Variants in DAB1 observed in about 807,000 individuals in gnomAD.
DAB1 encodes the protein disabled homolog 1.
Under a neutral mutation model 64.6 loss-of-function variants are expected in DAB1, and 15 were observed. That is an observed-to-expected ratio of 0.23 (90% CI 0.16 to 0.36). The LOEUF is 0.36. Among genes scored for constraint, DAB1 ranks in the 10% least tolerant of loss-of-function variants. The pLI, the probability that DAB1 is intolerant of heterozygous loss-of-function variation, is 1.00. For synonymous variants in DAB1, 235 were observed against 251.9 expected (o/e 0.93, Z 0.64); for missense variants, 596 against 706.7 (o/e 0.84, Z 1.78).
intron 4 of DAB1, among the ~76,000 whole-genome samples, chr1:57,098,791 C>T (rs1044795905): frequency 9.9e-5 from 15 of 152,108 alleles, no homozygotes; most frequent in East Asian, 1.9e-4. Flanking sequence ...TCAACTTATA[C>T]GCCAAATATA....
chr1:57,878,721 A>G (rs1644093885), intron 1 of DAB1: 1 of 152,146 alleles, frequency 6.6e-6, no homozygotes, highest in Non-Finnish European at 1.5e-5. Flanking sequence ...AAATTATGCA[A>G]TAAAATATTA....
At chr1:57,090,799 A>G (rs1389597960) in intron 4 of DAB1, among the ~76,000 whole-genome samples, 1 of 152,080 alleles carries the variant, frequency 6.6e-6, no homozygotes, top group African/African-American at 2.4e-5. Flanking sequence ...CCAGGTACCA[A>G]TCTGTGGCCT....
rs532566344 is a variant in DAB1, at chr1:58,254,276, C to T, written n.309+89076G>A. ...GAAACCTTGTTGCTTTTCTCTCTTGCTGTTTGTAGAAATACAGTCATTTCC... is the reference window on the plus strand; with the variant it reads ...GAAACCTTGTTGCTTTTCTCTCTTGTTGTTTGTAGAAATACAGTCATTTCC... On this transcript the variant is annotated intron_variant and non_coding_transcript_variant, in intron 4 of 20. Coordinates refer to the DAB1 transcript ENST00000485760. 7.9e-5 allele frequency among the ~76,000 whole-genome samples: 12 copies of T among 152,274 alleles called. No individual in the cohort carries two copies. In the South Asian group the frequency reaches 2.3e-3, roughly 29 times the overall value.
rs577113926 is a variant in DAB1, at chr1:57,774,306, T to A, written n.551+109693A>T. On this transcript the variant is annotated intron_variant and non_coding_transcript_variant, in intron 6 of 20. Coordinates refer to the DAB1 transcript ENST00000485760. ...AATTGTTTTTTGTATACTGAATTTG[T>A]ATCCTGCAATCTGGCTAAATTCACC... 2.0e-5 allele frequency among the ~76,000 whole-genome samples: 3 copies of A among 151,984 alleles called. No individual in the cohort carries two copies. In the East Asian group the frequency reaches 5.8e-4, roughly 29 times the overall value.
intron 1 of DAB1, among the ~76,000 whole-genome samples, chr1:57,871,073 C>T (rs879817977): frequency 1.6e-4 from 24 of 152,134 alleles, no homozygotes; most frequent in African/African-American, 2.4e-4. Context: ...TCCTTGTGAA[C>T]GAGATATACC....
At chr1:57,154,412 T>C (rs778628210) in intron 2 of DAB1, among the ~76,000 whole-genome samples, 2 of 152,232 alleles carry the variant, frequency 1.3e-5, no homozygotes, top group Non-Finnish European at 2.9e-5. Context: ...ATTATGTAAA[T>C]GTAACATTTT....
At chr1:58,513,662 T>C (rs1646116089) in intron 2 of DAB1, among the ~76,000 whole-genome samples, 2 of 152,196 alleles carry the variant, frequency 1.3e-5, no homozygotes, top group South Asian at 4.1e-4. Flanking sequence ...GAATCAGAAA[T>C]ATCTGGGTTC....
intron 4 of DAB1, among the ~76,000 whole-genome samples, chr1:58,247,797 C>T (rs796507775): frequency 2.8e-4 from 41 of 148,518 alleles, no homozygotes; most frequent in African/African-American, 9.2e-4. Flanking sequence ...CCCACCCCAC[C>T]CCCACCTCCC....
rs116185306 is a variant in DAB1, at chr1:57,036,382, C to T, written c.724-10339G>A. On this transcript the variant is annotated intron_variant, in intron 9 of 14. Transcript: ENST00000371236. ...CCTTGTGTCTACCTTACTGTTCTAA[C>T]TCTGGCTCAGTCATTTCTCAGAGCT... is the stretch of plus-strand genomic sequence containing the variant. Among the ~76,000 whole-genome samples the T allele has an allele frequency of 1.1e-3, 163 of 152,282 alleles. 1 individual carries two copies. Among genetic ancestry groups the T allele is most frequent in the African/African-American group, 3.7e-3 (153 of 41,570 alleles).
At chr1:57,386,258 T>C (rs1681822612) in intron 1 of DAB1, among the ~76,000 whole-genome samples, 2 of 151,142 alleles carry the variant, frequency 1.3e-5, no homozygotes, top group Admixed American at 1.3e-4. Flanking sequence ...TAAGGCAGAG[T>C]CTTTATCCTT....
intron 5 of DAB1, among the ~76,000 whole-genome samples, chr1:58,133,808 T>C (rs1653783785): frequency 6.6e-6 from 1 of 152,218 alleles, no homozygotes; most frequent in South Asian, 2.1e-4. Flanking sequence ...ACAGCCAGCT[T>C]GGTGGCATCA....
intron 4 of DAB1, among the ~76,000 whole-genome samples, chr1:57,087,285 C>A (rs576831247): frequency 6.6e-6 from 1 of 152,218 alleles, no homozygotes; most frequent in Admixed American, 6.5e-5. Flanking sequence ...ATGGCAAGTT[C>A]TCAGAGAGAT....
At chr1:57,107,459 A>G (rs1655275901) in intron 4 of DAB1, among the ~76,000 whole-genome samples, 1 of 151,782 alleles carries the variant, frequency 6.6e-6, no homozygotes, top group Non-Finnish European at 1.5e-5. Context: ...GGACCTTGTG[A>G]TAGGTTTTAG....
chr1:57,568,655 A>G (rs572872728), intron 7 of DAB1, among the ~76,000 whole-genome samples: 1 of 152,358 alleles, frequency 6.6e-6, no homozygotes, highest in South Asian at 2.1e-4. Context: ...ACTTTTATGC[A>G]GCCAACAGAC....
intron 3 of DAB1, among the ~76,000 whole-genome samples, chr1:58,438,380 T>A (rs1051116924): frequency 1.3e-5 from 2 of 152,122 alleles, no homozygotes; most frequent in African/African-American, 4.8e-5. Context: ...GGCATTTAGC[T>A]GTGATGGAAA....
chr1:58,293,124 A>C (rs1195969136), intron 4 of DAB1, among the ~76,000 whole-genome samples: 1 of 152,210 alleles, frequency 6.6e-6, no homozygotes, highest in East Asian at 1.9e-4. Context: ...ATGAGCGAGT[A>C]GTGAACAAGG....
intron 7 of DAB1, among the ~76,000 whole-genome samples, chr1:57,475,421 C>T (rs1432080258): frequency 1.3e-5 from 2 of 152,228 alleles, no homozygotes; most frequent in African/African-American, 4.8e-5. Context: ...ATAGAAAGGG[C>T]TTAACACAGT....
chr1:57,761,499 T>C (rs183049749), intron 6 of DAB1, among the ~76,000 whole-genome samples: 136 of 152,344 alleles, frequency 8.9e-4, no homozygotes, highest in Middle Eastern at 3.4e-3. Context: ...GTCTTATTGA[T>C]TGCTGCCAAT....
intron 3 of DAB1, among the ~76,000 whole-genome samples, chr1:58,460,936 G>C: frequency 1.3e-5 from 2 of 152,316 alleles, no homozygotes; most frequent in Middle Eastern, 6.8e-3. Flanking sequence ...CTCACTCCAT[G>C]TTTGGCTTTC....
Sources: allele counts gnomAD v4.1 joint callset (sites outside exome capture counted in the v4.1 genomes callset), GRCh38; gene constraint gnomAD v4.1.1; transcripts MANE v1.5; gene names NCBI Gene and HGNC (gene_info 2026-07-23, HGNC 2026-07-21).